The following BLOC1S1 variants were observed in gnomAD, a reference collection of about 807,000 sequenced individuals.
BLOC1S1 encodes the protein biogenesis of lysosomal organelles complex 1 subunit 1.
A neutral mutation model predicts 19.0 loss-of-function variants in BLOC1S1; 11 were observed. That is an observed-to-expected ratio of 0.58 (90% CI 0.37 to 0.96). The LOEUF (loss-of-function observed/expected upper bound fraction) is 0.96. Among genes scored for constraint, BLOC1S1 ranks in the 40% least tolerant of loss-of-function variants. The pLI is 0.01. For missense variants in BLOC1S1, 220 were observed against 195.9 expected (o/e 1.12, Z -0.73); for synonymous variants, 94 against 76.4 (o/e 1.23, Z -1.20).
At chr12:55,719,318 G>T in intron 3 of BLOC1S1, 95 bp downstream of exon 3, 1 of 1,593,710 alleles carries the variant, frequency 6.3e-7, no homozygotes, top group South Asian at 1.1e-5. Flanking sequence ...GAGGAAGTAG[G>T]GTGGTCCCAG....
At position 55,716,171 on chromosome 12, in the gene BLOC1S1, G is replaced by C; in HGVS notation, c.120G>C (p.Lys40Asn). Residue 40 changes from lysine (K) to asparagine (N), a missense_variant, in exon 1 of 4, where the codon AAG becomes AAC. By Grantham distance (94) the Lys-to-Asn change is moderately conservative. Coordinates refer to ENST00000548925, the MANE Select transcript of BLOC1S1 (RefSeq NM_001487.4). ...LSRLLKEHQAKQNERKELQEK... is the reference protein window; with the variant it reads ...LSRLLKEHQANQNERKELQEK... ...GCCTCCTAAAAGAACACCAGGCCAA[G>C]CAGAATGAACGCAAGGAGCTGCAGG... The C allele has an allele frequency of 6.2e-7, 1 of 1,612,266 alleles. No homozygotes were observed. Among genetic ancestry groups the C allele is most frequent in the Non-Finnish European group, 8.5e-7 (1 of 1,179,148 alleles).
intron 2 of BLOC1S1, among the ~76,000 whole-genome samples, chr12:55,717,402 C>A (rs536475254): frequency 6.6e-6 from 1 of 152,342 alleles, no homozygotes; most frequent in South Asian, 2.1e-4. Flanking sequence ...TGGGGAGCAG[C>A]TGGCAGGAAA....
At chr12:55,719,040 G>T in intron 2 of BLOC1S1, 51 bp from the exon 3 acceptor site, 2 of 1,591,022 alleles carry the variant, frequency 1.3e-6, no homozygotes, top group Non-Finnish European at 1.7e-6. Context: ...TAGTCCCGGA[G>T]ACCACCCCCA....
chr12:55,716,541 A>AC (rs1298840503), intron 1 of BLOC1S1: 3 of 1,220,774 alleles, frequency 2.5e-6, no homozygotes, highest in African/African-American at 1.6e-5. Flanking sequence ...GGTGTGGGGA[A>AC]CCCCCCAGAG....
chr12:55,717,552 A>G (rs1162713323), intron 2 of BLOC1S1, among the ~76,000 whole-genome samples: 1 of 150,076 alleles, frequency 6.7e-6, no homozygotes, highest in Non-Finnish European at 1.5e-5. Context: ...GTAACAGCCA[A>G]AGACTTGGGA....
At chr12:55,717,653 T>A (rs1565652545) in intron 2 of BLOC1S1, among the ~76,000 whole-genome samples, 1 of 152,134 alleles carries the variant, frequency 6.6e-6, no homozygotes, top group Non-Finnish European at 1.5e-5. Flanking sequence ...AGAAAGGCAG[T>A]ATGGTACCTT....
intron 1 of BLOC1S1, chr12:55,716,441 T>G (rs1163086605): frequency 7.4e-7 from 1 of 1,349,282 alleles, no homozygotes; most frequent in Non-Finnish European, 9.5e-7. Context: ...TGCCGCACCT[T>G]AGCCCCGCCC....
intron 1 of BLOC1S1, chr12:55,716,644 G>T (rs1202165230): frequency 8.0e-7 from 1 of 1,256,924 alleles, no homozygotes; most frequent in African/African-American, 1.6e-5. Flanking sequence ...CCGATTCTGC[G>T]GCCGAGTAGT....
At chr12:55,716,390 C>T (rs1876529196) in intron 1 of BLOC1S1, 194 bp downstream of exon 1, 2 of 1,414,328 alleles carry the variant, frequency 1.4e-6, no homozygotes, top group East Asian at 2.7e-5. Context: ...GTCCCTTGGG[C>T]AATACTCCGG....
chr12:55,718,141 C>T (rs756280254), intron 2 of BLOC1S1, among the ~76,000 whole-genome samples: 1 of 152,214 alleles, frequency 6.6e-6, no homozygotes, highest in Non-Finnish European at 1.5e-5. Flanking sequence ...TGTTGCTGCC[C>T]ACGCCTCCTC....
intron 2 of BLOC1S1, among the ~76,000 whole-genome samples, chr12:55,718,430 A>G (rs1876730476): frequency 6.6e-6 from 1 of 152,150 alleles, no homozygotes; most frequent in Non-Finnish European, 1.5e-5. Context: ...AGTAATGGTA[A>G]CCACAGCCCA....
Position 55,716,328 on chromosome 12 carries a change from G to C in BLOC1S1, c.145+132G>C, listed in dbSNP as rs1055379204. 4 of 1,484,422 alleles carry C rather than the reference G, an allele frequency of 2.7e-6. No homozygotes were observed. The African/African-American group carries it at 4.3e-5, about 16-fold the overall frequency. The allele number at this position is 1,484,422 out of a possible 1,614,324, so 92.0% of individuals were successfully genotyped here. On this transcript the variant is annotated intron_variant, in intron 1 of 3. Transcript: ENST00000548925. ...GCGGGCAACGGGCATGGGGGAGAGGGAATTTCAGAGAGGCTTTTTTTGAAA... is the reference window on the plus strand; with the variant it reads ...GCGGGCAACGGGCATGGGGGAGAGGCAATTTCAGAGAGGCTTTTTTTGAAA...
At chr12:55,719,373 A>G (rs1876801914) in intron 3 of BLOC1S1, 126 bp from the exon 4 acceptor site, 1 of 1,483,066 alleles carries the variant, frequency 6.7e-7, no homozygotes, top group East Asian at 2.3e-5. Context: ...AGAGAAAGAA[A>G]GAAAAGCAGT....
In BLOC1S1 at chr12:55,717,002, T is replaced by C. The variant is rs1270586164; in HGVS notation, c.215T>C (p.Val72Ala). 6.3e-6 allele frequency: 10 copies of C among 1,595,178 alleles called. No homozygotes were observed. Among genetic ancestry groups the C allele is most frequent in the East Asian group, 2.3e-5 (1 of 42,810 alleles). Residue 72 changes from valine (V) to alanine (A), a missense_variant, in exon 2 of 4, where the codon GTG becomes GCG. Coordinates refer to ENST00000548925, the MANE Select transcript of BLOC1S1 (RefSeq NM_001487.4). The stretch of plus-strand genomic sequence containing the variant: ...GAAGCTTTGGTGGATCACCTCAATG[T>C]GGGGTATGGACCTCTTATCAACATC... The part of the protein sequence containing the change: ...LTEALVDHLN[V>A]GVAQAYMNQR...
chr12:55,716,977 GA>G lies in BLOC1S1; in HGVS notation c.192del (p.Ala65LeufsTer15). On this transcript the variant is annotated frameshift_variant, in exon 2 of 4. Transcript: ENST00000548925. LOFTEE classifies it high-confidence loss of function. The part of the protein sequence containing the change: ...EAITAATCLT[E>X]ALVDHLNVGV... ...TATCACTGCAGCGACCTGCCTGACA[GA>G]AGCTTTGGTGGATCACCTCAATGTG... 1 of 1,598,634 alleles carries G rather than the reference GA, an allele frequency of 6.3e-7. No individual in the cohort carries two copies.
Position 55,716,126 on chromosome 12 carries a change from C to G in BLOC1S1, c.75C>G (p.Pro25=), listed in dbSNP as rs578186118. ...GGCCCGGCGTACCCAGCCCCCAGCC[C>G]GACGTGACCATGCTGTCCCGCCTCC... ...RRGPGVPSPQ[P]DVTMLSRLLK... Residue 25 remains proline (P), a synonymous_variant, in exon 1 of 4, where the codon CCC becomes CCG. Transcript: ENST00000548925. The G allele has an allele frequency of 1.3e-5, 21 of 1,610,270 alleles. No individual in the cohort carries two copies. The Admixed American group carries it at 1.8e-4, about 14-fold the overall frequency.
At chr12:55,718,505 T>C (rs2136135735) in intron 2 of BLOC1S1, among the ~76,000 whole-genome samples, 1 of 151,918 alleles carries the variant, frequency 6.6e-6, no homozygotes, top group South Asian at 2.1e-4. Flanking sequence ...TGTGTGTGTG[T>C]GTGTGTGTGT....
intron 2 of BLOC1S1, among the ~76,000 whole-genome samples, chr12:55,718,491 CAT>C (rs1491330064): frequency 1.0e-5 from 1 of 95,240 alleles, no homozygotes; most frequent in East Asian, 5.0e-4. Flanking sequence ...GGAGGGAGAG[CAT>C]GTGTGTGTGT....
Position 55,716,995 on chromosome 12 carries a change from C to T in BLOC1S1, c.208C>T (p.Leu70Phe), listed in dbSNP as rs768798087. The T allele has an allele frequency of 2.5e-6, 4 of 1,596,794 alleles. No individual in the cohort carries two copies. The highest frequency in any genetic ancestry group is 3.4e-6 in the Non-Finnish European group (4 of 1,172,722). Residue 70 changes from leucine to phenylalanine, a missense_variant, in exon 2 of 4, where the codon CTC becomes TTC. By Grantham distance (22) the Leu-to-Phe change is conservative (BLOSUM62 0). Coordinates refer to ENST00000548925, the MANE Select transcript of BLOC1S1 (RefSeq NM_001487.4). Reference sequence around the variant, plus strand: ...CCTGACAGAAGCTTTGGTGGATCACCTCAATGTGGGGTATGGACCTCTTAT... The same window carrying T: ...CCTGACAGAAGCTTTGGTGGATCACTTCAATGTGGGGTATGGACCTCTTAT... ...TCLTEALVDHLNVGVAQAYMN... is the reference protein window; with the variant it reads ...TCLTEALVDHFNVGVAQAYMN...
Sources: allele counts gnomAD v4.1 joint callset (sites outside exome capture counted in the v4.1 genomes callset), GRCh38; gene constraint gnomAD v4.1.1; transcripts MANE v1.5; gene names NCBI Gene and HGNC (gene_info 2026-07-23, HGNC 2026-07-21).